The following DMD variants were observed in gnomAD, a reference collection of about 807,000 sequenced individuals.
DMD encodes the protein mutant dystrophin.
A neutral mutation model predicts 330.1 loss-of-function variants in DMD; 63 were observed. The observed-to-expected ratio is 0.19, with a 90% CI of 0.16 to 0.24. The LOEUF (loss-of-function observed/expected upper bound fraction) is 0.24, where lower values mean the gene tolerates loss of function less well. Among genes scored for constraint, DMD ranks in the 10% least tolerant of loss-of-function variants. DMD has a pLI of 1.00. For missense variants in DMD, 3,344 were observed against 2,684.1 expected (o/e 1.25, Z -5.43); for synonymous variants, 1,223 against 959.8 (o/e 1.27, Z -5.07).
chrX:31,861,601 A>G (rs1240070400), intron 48 of DMD, among the ~76,000 whole-genome samples: 1 of 100,069 alleles, frequency 1.0e-5, no homozygotes, highest in East Asian at 3.2e-4. Flanking sequence ...AAAAAAAAAG[A>G]GACAGTTCTT....
At chrX:31,405,531 C>T (rs950947971) in intron 60 of DMD, among the ~76,000 whole-genome samples, 21 of 111,212 alleles carry the variant, frequency 1.9e-4, no homozygotes, top group African/African-American at 6.5e-4. Context: ...ATTTGCCAAA[C>T]CCCTGACAAC....
intron 11 of DMD, among the ~76,000 whole-genome samples, chrX:32,615,129 A>G (rs183683299): frequency 2.7e-5 from 3 of 111,474 alleles, no homozygotes; most frequent in Non-Finnish European, 5.7e-5. Flanking sequence ...TAAAACTAGT[A>G]ATATAAAAAC....
At chrX:33,108,102 A>T (rs1024564781) in intron 1 of DMD, among the ~76,000 whole-genome samples, 5 of 111,666 alleles carry the variant, frequency 4.5e-5, no homozygotes, top group Non-Finnish European at 9.4e-5. Context: ...AAATAATTAG[A>T]ATGACTACCA....
At chrX:32,741,282 A>G (rs1488722290) in intron 7 of DMD, among the ~76,000 whole-genome samples, 1 of 111,660 alleles carries the variant, frequency 9.0e-6, no homozygotes, top group Non-Finnish European at 1.9e-5. Flanking sequence ...TGACATTTCT[A>G]GGTCAAAAGT....
rs780710916 is a variant in DMD at position 33,211,334 on chromosome X, C to A, written c.-22G>T. The A allele has an allele frequency of 3.3e-5, 40 of 1,204,573 alleles. No homozygotes were observed. The highest frequency in any genetic ancestry group is 2.3e-4 in the Middle Eastern group (1 of 4,357). ...GCATTTTGAAAAGTGTATATCAAGG[C>A]AGCGATAAAAAAAACCTGGTAAAAG... On this transcript the variant is annotated 5_prime_UTR_variant, in exon 1 of 79. Transcript: ENST00000357033.
chrX:33,049,848 T>G (rs1034268216), intron 1 of DMD, among the ~76,000 whole-genome samples: 6 of 111,961 alleles, frequency 5.4e-5, no homozygotes, highest in African/African-American at 1.9e-4. Flanking sequence ...ATCTAATCAC[T>G]TCTCATTTTT....
intron 1 of DMD, among the ~76,000 whole-genome samples, chrX:33,037,704 G>T (rs1278363468): frequency 8.9e-6 from 1 of 111,948 alleles, no homozygotes; most frequent in Non-Finnish European, 1.9e-5. Flanking sequence ...AATACTGATT[G>T]TGTCTGTGAT....
At chrX:32,364,243 A>C (rs1288366959) in intron 36 of DMD, among the ~76,000 whole-genome samples, 2 of 112,405 alleles carry the variant, frequency 1.8e-5, no homozygotes, top group Non-Finnish European at 3.8e-5. Context: ...ATAGTGTCAG[A>C]TTGTTCTTTG....
At chrX:32,233,613 T>TTATG (rs2097176864) in intron 43 of DMD, among the ~76,000 whole-genome samples, 5 of 100,513 alleles carry the variant, frequency 5.0e-5, no homozygotes, top group African/African-American at 1.8e-4. Flanking sequence ...ATTTATTTAT[T>TTATG]TATTTATTTA....
chrX:31,284,825 AACACACAC>A (rs61401043), intron 62 of DMD, among the ~76,000 whole-genome samples: 108 of 91,506 alleles, frequency 1.2e-3, no homozygotes, highest in African/African-American at 3.9e-3. Flanking sequence ...TAATGGCTTA[AACACACAC>A]ACACACACAC....
In DMD at chrX:32,485,003, G is replaced by C; in HGVS notation, c.2719C>G (p.Leu907Val). ...LKEKGQGPMFLDADFVAFTNH... is the reference protein window; with the variant it reads ...LKEKGQGPMFVDADFVAFTNH... ...GTAAAGGCCACAAAGTCTGCATCCA[G>C]GAACATGGGTCCTTGTCCTTTCTCT... Residue 907 changes from leucine (L) to valine (V), a missense_variant, in exon 21 of 79, where the codon CTG becomes GTG. Transcript: ENST00000357033. The C allele has an allele frequency of 8.3e-7, 1 of 1,211,472 alleles. No homozygotes were observed. The highest frequency in any genetic ancestry group is 1.1e-6 in the Non-Finnish European group (1 of 895,237).
intron 17 of DMD, among the ~76,000 whole-genome samples, chrX:32,537,997 A>T (rs1298930603): frequency 8.9e-6 from 1 of 112,545 alleles, no homozygotes; most frequent in Admixed American, 9.4e-5. Context: ...TACACAGAAG[A>T]CATCACACAG....
At chrX:32,263,178 C>A (rs1357329775) in intron 43 of DMD, among the ~76,000 whole-genome samples, 1 of 111,633 alleles carries the variant, frequency 9.0e-6, no homozygotes, top group African/African-American at 3.3e-5. Flanking sequence ...TATAAATAGC[C>A]ATTATATACA....
chrX:33,048,700 A>T lies in DMD; in HGVS notation c.32-28500T>A, dbSNP rs1366695903. Reference sequence around the variant, plus strand: ...CAGAGCGAGACTCCCCATCTAAAAAAAAAAAAAAAAAAAAAAAAGGAGAGA... The same window carrying T: ...CAGAGCGAGACTCCCCATCTAAAAATAAAAAAAAAAAAAAAAAAGGAGAGA... On this transcript the variant is annotated intron_variant, in intron 1 of 78. Coordinates refer to ENST00000357033, the MANE Select transcript of DMD (RefSeq NM_004006.3). 1.6e-4 allele frequency among the ~76,000 whole-genome samples: 14 copies of T among 85,623 alleles called. No homozygotes were observed. In the East Asian group the frequency reaches 7.7e-3, roughly 47 times the overall value. 74.4% of individuals were successfully genotyped at this position (85,623 alleles called of 115,157 possible).
At chrX:32,689,350 C>A (rs1039946560) in intron 9 of DMD, among the ~76,000 whole-genome samples, 2 of 110,295 alleles carry the variant, frequency 1.8e-5, no homozygotes, top group African/African-American at 6.6e-5. Context: ...ATAAAACCTA[C>A]CAAATCTGAA....
At chrX:32,908,870 T>C (rs1384141290) in intron 2 of DMD, among the ~76,000 whole-genome samples, 2 of 111,249 alleles carry the variant, frequency 1.8e-5, no homozygotes, top group African/African-American at 3.3e-5. Flanking sequence ...AGATCACACC[T>C]GAAAATTTAG....
At chrX:33,075,929 T>C (rs1197958001) in intron 1 of DMD, among the ~76,000 whole-genome samples, 1 of 111,944 alleles carries the variant, frequency 8.9e-6, no homozygotes, top group Non-Finnish European at 1.9e-5. Flanking sequence ...ACTAACAAAA[T>C]AGCCAAAAGA....
intron 74 of DMD, among the ~76,000 whole-genome samples, chrX:31,148,898 T>C (rs1218515226): frequency 8.9e-6 from 1 of 112,101 alleles, no homozygotes; most frequent in East Asian, 2.8e-4. Flanking sequence ...ATGTTCTAGA[T>C]GCTAATCCAT....
chrX:33,097,388 T>C (rs1428215108), intron 1 of DMD, among the ~76,000 whole-genome samples: 2 of 110,464 alleles, frequency 1.8e-5, no homozygotes, highest in East Asian at 5.7e-4. Flanking sequence ...TACAAGTTTA[T>C]GCTCTGGGTT....
Sources: allele counts gnomAD v4.1 joint callset (sites outside exome capture counted in the v4.1 genomes callset), GRCh38; gene constraint gnomAD v4.1.1; transcripts MANE v1.5; gene names NCBI Gene and HGNC (gene_info 2026-07-23, HGNC 2026-07-21).